Variants in NRXN1 observed in about 807,000 individuals in gnomAD.
NRXN1 encodes neurexin 1, also known as neurexin-1.
In NRXN1, 39 loss-of-function variants were observed where a neutral mutation model predicts 150.9. The ratio of observed to expected loss-of-function variants is 0.26; its 90% confidence interval spans 0.20 to 0.34. The LOEUF (loss-of-function observed/expected upper bound fraction) is 0.34. Among genes scored for constraint, NRXN1 ranks in the 10% least tolerant of loss-of-function variants. NRXN1 has a pLI of 1.00. For synonymous variants in NRXN1, 924 were observed against 757.0 expected, an observed-to-expected ratio of 1.22 and a Z score of -3.62; for missense variants, 1,815 against 1,949.9, an observed-to-expected ratio of 0.93 and a Z score of 1.30.
chr2:49,993,850 T>G (rs185967648), intron 21 of NRXN1, among the ~76,000 whole-genome samples: 21 of 152,334 alleles, frequency 1.4e-4, no homozygotes, highest in Admixed American at 1.1e-3. Context: ...GGTGTCCACC[T>G]TTACCTCATT....
At chr2:50,111,702 G>C (rs1239600498) in intron 18 of NRXN1, among the ~76,000 whole-genome samples, 1 of 151,976 alleles carries the variant, frequency 6.6e-6, no homozygotes, top group Non-Finnish European at 1.5e-5. Flanking sequence ...AGTGTAATCT[G>C]CACCCTCTTG....
intron 6 of NRXN1, among the ~76,000 whole-genome samples, chr2:50,622,246 A>G (rs1447502712): frequency 1.3e-5 from 2 of 152,140 alleles, no homozygotes; most frequent in African/African-American, 2.4e-5. Flanking sequence ...GACTAAATCT[A>G]CACTCCTAAA....
chr2:51,013,404 A>C (rs1051639145), intron 2 of NRXN1, among the ~76,000 whole-genome samples: 1 of 151,762 alleles, frequency 6.6e-6, no homozygotes, highest in Non-Finnish European at 1.5e-5. Flanking sequence ...GACATATTTT[A>C]TGCAAATGTA....
chr2:50,115,903 T>G (rs1191783558), intron 18 of NRXN1, among the ~76,000 whole-genome samples: 1 of 152,138 alleles, frequency 6.6e-6, no homozygotes, highest in African/African-American at 2.4e-5. Flanking sequence ...AGAAGACTTA[T>G]TAAGGAGAAG....
In NRXN1 at chr2:50,210,267, C is replaced by T. The variant is rs527666452; in HGVS notation, c.3546+26522G>A. Among the ~76,000 whole-genome samples, 7 of 151,938 alleles carry T rather than the reference C, an allele frequency of 4.6e-5. No individual in the cohort carries two copies. The East Asian group carries it at 7.8e-4, about 17-fold the overall frequency. ...CATTATAAAAATAACAACTCATCAT[C>T]GCACTGTGTTTGGTTTATTCAAAAA... On this transcript the variant is annotated intron_variant, in intron 18 of 22. Transcript: ENST00000401669.
intron 3 of NRXN1, among the ~76,000 whole-genome samples, chr2:50,923,143 AT>A (rs1250460812): frequency 1.3e-5 from 2 of 151,858 alleles, no homozygotes; most frequent in Non-Finnish European, 2.9e-5. Context: ...AAAAATGAGC[AT>A]TTTATAATTA....
In NRXN1 at chr2:50,347,134, A is replaced by G. The variant is rs1275740732; in HGVS notation, c.3365-110164T>C. The G allele has an allele frequency of 3.6e-6, 5 of 1,383,172 alleles. No individual in the cohort carries two copies. Among genetic ancestry groups the G allele is most frequent in the African/African-American group, 1.5e-5 (1 of 68,274 alleles). The allele number at this position is 1,383,172 out of a possible 1,614,324, so 85.7% of individuals were successfully genotyped here. The stretch of plus-strand genomic sequence containing the variant: ...CGGGGTCCTGGAGTCCGCCGTGCCT[A>G]GCACCCCAAACAATCCGAAACATAG... On this transcript the variant is annotated intron_variant, in intron 17 of 22. Coordinates refer to ENST00000401669, the MANE Select transcript of NRXN1 (RefSeq NM_001330078.2). This position sits in a 1 kb window ranked among gnomAD's most constrained non-coding sequence, Gnocchi z 4.9.
chr2:50,565,787 T>C (rs1030848722), intron 8 of NRXN1, among the ~76,000 whole-genome samples: 3 of 152,124 alleles, frequency 2.0e-5, no homozygotes, highest in Non-Finnish European at 4.4e-5. Flanking sequence ...TTTGCAGTCA[T>C]CTCCTCCCAA....
intron 21 of NRXN1, among the ~76,000 whole-genome samples, chr2:50,033,322 G>A (rs1689466131): frequency 6.6e-6 from 1 of 151,906 alleles, no homozygotes; most frequent in African/African-American, 2.4e-5. Flanking sequence ...AAATAAGGCT[G>A]CACACCTACA....
intron 5 of NRXN1, among the ~76,000 whole-genome samples, chr2:50,691,119 T>C (rs115113420): frequency 0.015 from 2,343 of 152,300 alleles, 55 homozygotes; most frequent in African/African-American, 0.053. Flanking sequence ...AATTTCTTTA[T>C]AGGCAAATTA....
At chr2:50,293,268 G>A (rs748229448) in intron 17 of NRXN1, among the ~76,000 whole-genome samples, 1 of 151,838 alleles carries the variant, frequency 6.6e-6, no homozygotes, top group Admixed American at 6.6e-5. Context: ...CCATCTCTCA[G>A]ACCACTTCTG....
chr2:50,352,775 A>ATAT (rs199682966), intron 17 of NRXN1, among the ~76,000 whole-genome samples: 1 of 90,308 alleles, frequency 1.1e-5, no homozygotes, highest in Non-Finnish European at 2.7e-5. Context: ...AATAATAATA[A>ATAT]TATTATAATA....
At chr2:50,731,878 T>G (rs890228786) in intron 5 of NRXN1, among the ~76,000 whole-genome samples, 5 of 152,194 alleles carry the variant, frequency 3.3e-5, no homozygotes, top group African/African-American at 9.7e-5. Flanking sequence ...TGTTTTCGTT[T>G]GGCTGTTGGG....
intron 2 of NRXN1, among the ~76,000 whole-genome samples, chr2:50,938,699 T>A (rs932965621): frequency 2.0e-5 from 3 of 152,116 alleles, no homozygotes; most frequent in African/African-American, 7.2e-5. Flanking sequence ...AAACTTAAAA[T>A]TTCATTTTTA....
At chr2:50,641,413 C>T (rs2194387) in intron 5 of NRXN1, among the ~76,000 whole-genome samples, 2,786 of 152,092 alleles carry the variant, frequency 0.018, 85 homozygotes, top group East Asian at 0.13. Flanking sequence ...TTGAATGTCC[C>T]TGGCTCTGGC....
At chr2:50,061,636 A>T (rs1209191626) in intron 19 of NRXN1, among the ~76,000 whole-genome samples, 1 of 152,236 alleles carries the variant, frequency 6.6e-6, no homozygotes, top group Non-Finnish European at 1.5e-5. Flanking sequence ...AAAAGCATAA[A>T]ACTCTACTAT....
intron 2 of NRXN1, among the ~76,000 whole-genome samples, chr2:51,003,043 C>T (rs2105108730): frequency 6.6e-6 from 1 of 151,924 alleles, no homozygotes. Flanking sequence ...ATTTAATGAT[C>T]TTGAAAAAGG....
intron 2 of NRXN1, among the ~76,000 whole-genome samples, chr2:50,988,572 C>A (rs948130284): frequency 6.6e-6 from 1 of 151,896 alleles, no homozygotes; most frequent in African/African-American, 2.4e-5. Context: ...GTTAACAGCT[C>A]TAAATCCCCT....
intron 17 of NRXN1, among the ~76,000 whole-genome samples, chr2:50,265,354 T>A (rs930092158): frequency 6.6e-6 from 1 of 152,174 alleles, no homozygotes; most frequent in African/African-American, 2.4e-5. Context: ...GGCAGCTCTT[T>A]TCTACGTGAG....
Sources: allele counts gnomAD v4.1 joint callset (sites outside exome capture counted in the v4.1 genomes callset), GRCh38; gene constraint gnomAD v4.1.1; non-coding constraint Gnocchi (gnomAD v3.1); transcripts MANE v1.5; gene names NCBI Gene and HGNC (gene_info 2026-07-23, HGNC 2026-07-21).